The following TRPC3 variants were observed in gnomAD, a reference collection of about 807,000 sequenced individuals.
TRPC3 encodes the protein transient receptor potential cation channel subfamily C member 3, also known as short transient receptor potential channel 3.
TRPC3 carries 54 observed loss-of-function variants against 90.9 expected under a neutral mutation model. The ratio of observed to expected loss-of-function variants is 0.59; its 90% CI spans 0.48 to 0.75. The LOEUF is 0.75. TRPC3 is among the 30% of genes least tolerant of loss of function. The pLI is 0.00. For synonymous variants in TRPC3, 424 were observed against 450.9 expected, an observed-to-expected ratio of 0.94 and a Z score of 0.75; for missense variants, 918 against 1,194.5, an observed-to-expected ratio of 0.77 and a Z score of 3.41.
intron 9 of TRPC3, 91 bp from the exon 10 acceptor site, chr4:121,899,786 G>A: frequency 1.0e-6 from 1 of 972,530 alleles, no homozygotes; most frequent in Non-Finnish European, 1.6e-6. Context: ...TAACATTTCT[G>A]GAGTCAACAT....
At chr4:121,888,450 T>C (rs1728207601) in intron 10 of TRPC3, among the ~76,000 whole-genome samples, 1 of 152,206 alleles carries the variant, frequency 6.6e-6, no homozygotes, top group African/African-American at 2.4e-5. Context: ...ATAAAAGTAA[T>C]TCTTTAAAGA....
intron 1 of TRPC3, 150 bp from the exon 2 acceptor site, chr4:121,933,192 A>G (rs927780181): frequency 7.5e-7 from 1 of 1,341,526 alleles, no homozygotes. Flanking sequence ...GTTGCTAACT[A>G]CTCGCCTGAA....
intron 11 of TRPC3, among the ~76,000 whole-genome samples, chr4:121,881,643 A>ATTAATT (rs928736212): frequency 3.3e-5 from 5 of 152,204 alleles, no homozygotes; most frequent in African/African-American, 1.2e-4. Context: ...TATTAAGTTT[A>ATTAATT]GTCCTTTCCT....
intron 2 of TRPC3, among the ~76,000 whole-genome samples, chr4:121,926,923 A>G (rs1158955874): frequency 6.6e-6 from 1 of 152,170 alleles, no homozygotes; most frequent in Non-Finnish European, 1.5e-5. Context: ...GGGCCCAGCA[A>G]TCTCTGTGTG....
rs1430262158 is a variant in TRPC3 at position 121,874,489 on chromosome 4, A to T, written c.*5247T>A. ...AGTAGTACACACTGGGAGGCTTTTC[A>T]ACAACAGAAATTTATTTTCTCACAG... is the stretch of plus-strand genomic sequence containing the variant. On this transcript the variant is annotated 3_prime_UTR_variant, in exon 12 of 12. Coordinates refer to ENST00000379645, the MANE Select transcript of TRPC3 (RefSeq NM_001130698.2). 6.6e-6 allele frequency among the ~76,000 whole-genome samples: 1 copy of T among 152,174 alleles called. No homozygotes were observed. The highest frequency in any genetic ancestry group is 6.5e-5 in the Admixed American group (1 of 15,270).
rs776554847 is a variant in TRPC3, at chr4:121,932,260, G to A, written c.987+11C>T. The stretch of plus-strand genomic sequence containing the variant: ...GCACACAGAGCAGCCGGGGTAGAGC[G>A]CAAAGCTTACCTTGAACTCCTTCTC... On this transcript the variant is annotated intron_variant, in intron 2 of 11. Coordinates refer to ENST00000379645, the MANE Select transcript of TRPC3 (RefSeq NM_001130698.2). This position sits in a 1 kb window ranked among gnomAD's most constrained non-coding sequence, Gnocchi z 7.7. 8 of 1,611,406 alleles carry A rather than the reference G, an allele frequency of 5.0e-6. No individual in the cohort carries two copies. Among genetic ancestry groups the A allele is most frequent in the African/African-American group, 1.3e-5 (1 of 74,874 alleles).
intron 7 of TRPC3, among the ~76,000 whole-genome samples, chr4:121,906,888 G>T (rs1728900608): frequency 6.6e-6 from 1 of 152,088 alleles, no homozygotes; most frequent in South Asian, 2.1e-4. Flanking sequence ...AAAATGTTTA[G>T]CTATAACTTC....
intron 3 of TRPC3, among the ~76,000 whole-genome samples, chr4:121,916,783 G>A (rs1344844276): frequency 1.3e-5 from 2 of 151,616 alleles, no homozygotes; most frequent in Admixed American, 6.6e-5. Flanking sequence ...GCACAATCTC[G>A]TCTCACCACA....
chr4:121,946,307 G>GA (rs1261310741), intron 1 of TRPC3, among the ~76,000 whole-genome samples: 3 of 151,794 alleles, frequency 2.0e-5, no homozygotes, highest in Admixed American at 6.6e-5. Context: ...GAAGCGGGGG[G>GA]AAAAAAAGAC....
chr4:121,904,549 G>A, intron 7 of TRPC3, 32 bp from the exon 8 acceptor site: 2 of 1,480,160 alleles, frequency 1.4e-6, no homozygotes, highest in African/African-American at 2.8e-5. Context: ...AAGTAAGTAA[G>A]TTAACAGTTT....
intron 2 of TRPC3, among the ~76,000 whole-genome samples, chr4:121,927,612 C>T (rs952735720): frequency 3.3e-5 from 5 of 151,988 alleles, no homozygotes; most frequent in African/African-American, 9.7e-5. Context: ...AAATAATTAA[C>T]GTGATTTGAT....
rs776057682 is a variant in TRPC3 at position 121,877,946 on chromosome 4, A to G, written c.*1790T>C. On this transcript the variant is annotated 3_prime_UTR_variant, in exon 12 of 12. Transcript: ENST00000379645. ...ATTTTTTCCAACCGCAAAGAAGAAA[A>G]TTACAAAATATTCAGTTCCATAGCT... 6.6e-6 allele frequency among the ~76,000 whole-genome samples: 1 copy of G among 152,176 alleles called. No homozygotes were observed. Among genetic ancestry groups the G allele is most frequent in the Non-Finnish European group, 1.5e-5 (1 of 68,036 alleles).
At chr4:121,897,952 A>G in intron 10 of TRPC3, among the ~76,000 whole-genome samples, 1 of 152,206 alleles carries the variant, frequency 6.6e-6, no homozygotes, top group Non-Finnish European at 1.5e-5. Flanking sequence ...TATATACACA[A>G]CGGAATGCAA....
At chr4:121,930,175 G>A (rs1483798781) in intron 2 of TRPC3, among the ~76,000 whole-genome samples, 2 of 152,184 alleles carry the variant, frequency 1.3e-5, no homozygotes, top group African/African-American at 4.8e-5. Context: ...CATTGAGTTA[G>A]GGGAGAGAGA....
intron 3 of TRPC3, among the ~76,000 whole-genome samples, chr4:121,916,468 G>A (rs4833778): frequency 0.28 from 43,123 of 152,064 alleles, 6,478 homozygotes; most frequent in East Asian, 0.4. Flanking sequence ...TTATTATGTT[G>A]AGATTCTAAG....
chr4:121,920,730 T>C (rs1310768000), intron 3 of TRPC3, among the ~76,000 whole-genome samples: 1 of 152,212 alleles, frequency 6.6e-6, no homozygotes, highest in African/African-American at 2.4e-5. Flanking sequence ...TAAATATGCA[T>C]GTTAGCCATT....
intron 9 of TRPC3, 109 bp from the exon 10 acceptor site, chr4:121,899,804 A>T (rs1728642831): frequency 1.2e-6 from 1 of 844,604 alleles, no homozygotes. Flanking sequence ...CATTCCCAAG[A>T]AACATTTTGT....
Position 121,951,456 on chromosome 4 carries a change from C to G in TRPC3, c.215+10G>C, listed in dbSNP as rs1730748320. On this transcript the variant is annotated intron_variant, in intron 1 of 11. Transcript: ENST00000379645. This position sits in a 1 kb window ranked among gnomAD's most constrained non-coding sequence, Gnocchi z 4.4. Reference sequence around the variant, plus strand: ...CCGAGGCGCGGGCCGCGGCCGGGCCCGGTACTCACAGGTCCGGCCCGTGGG... The same window carrying G: ...CCGAGGCGCGGGCCGCGGCCGGGCCGGGTACTCACAGGTCCGGCCCGTGGG... The G allele has an allele frequency of 5.7e-6, 7 of 1,225,586 alleles. No homozygotes were observed. Among genetic ancestry groups the G allele is most frequent in the Non-Finnish European group, 7.1e-6 (7 of 981,700 alleles). 75.9% of individuals were successfully genotyped at this position (1,225,586 alleles called of 1,614,324 possible).
intron 11 of TRPC3, among the ~76,000 whole-genome samples, chr4:121,881,902 C>A (rs1206757767): frequency 6.6e-6 from 1 of 152,026 alleles, no homozygotes; most frequent in Non-Finnish European, 1.5e-5. Context: ...AAAAGAGACG[C>A]ACCAGACAAG....
Sources: gnomAD v4.1 joint callset for allele counts (sites outside exome capture counted in the v4.1 genomes callset) on GRCh38, gnomAD v4.1.1 for gene constraint, Gnocchi (gnomAD v3.1) non-coding constraint, MANE v1.5 for transcripts, NCBI Gene and HGNC (gene_info 2026-07-23, HGNC 2026-07-21) for gene names.